COG2: variants seen among roughly 807,000 people sequenced by gnomAD.
COG2 encodes conserved oligomeric Golgi complex subunit 2.
Under a neutral mutation model 90.6 loss-of-function variants are expected in COG2, and 52 were observed. The observed-to-expected ratio is 0.57, with a 90% CI of 0.46 to 0.72. The LOEUF is 0.72. Ranked by LOEUF, COG2 falls within the 30% of genes least tolerant of loss-of-function variation. The pLI is 0.00. For missense variants in COG2, 829 were observed against 891.2 expected (o/e 0.93, Z 0.89); for synonymous variants, 337 against 320.4 (o/e 1.05, Z -0.55).
chr1:230,645,383 T>C (rs1271088800), intron 1 of COG2, among the ~76,000 whole-genome samples: 1 of 152,180 alleles, frequency 6.6e-6, no homozygotes, highest in Non-Finnish European at 1.5e-5. Context: ...CTAGGTATGC[T>C]GTGGCAATCA....
chr1:230,669,324 C>CT (rs759686159), intron 6 of COG2, 32 bp from the exon 7 acceptor site: 231 of 1,561,306 alleles, frequency 1.5e-4, no homozygotes, highest in East Asian at 9.8e-4. Flanking sequence ...ACAACTAGAG[C>CT]TTTTTTTTTA....
At chr1:230,643,353 C>G (rs1474269729) in intron 1 of COG2, among the ~76,000 whole-genome samples, 1 of 152,208 alleles carries the variant, frequency 6.6e-6, no homozygotes, top group Non-Finnish European at 1.5e-5. Flanking sequence ...TTGAAAATGG[C>G]CAGGCTTTGA....
chr1:230,660,994 C>T (rs533890247), intron 3 of COG2, 171 bp downstream of exon 3: 2 of 423,878 alleles, frequency 4.7e-6, no homozygotes, highest in Admixed American at 4.5e-5. Context: ...CTATTTTTTG[C>T]GTGTGATACT....
rs2102736226 is a variant in COG2 at position 230,642,610 on chromosome 1, G to A, written c.4G>A (p.Glu2Lys). 2 of 1,612,316 alleles carry A rather than the reference G, an allele frequency of 1.2e-6. No homozygotes were observed. Among genetic ancestry groups the A allele is most frequent in the East Asian group, 2.2e-5 (1 of 44,804 alleles). ...CTGAGAGGCGGTGGCCGGCGGGATG[G>A]AGAAAAGTAGGATGAACCTGCCCAA... M[E>K]KSRMNLPKGP... Residue 2 changes from glutamate (E) to lysine (K), a missense_variant, in exon 1 of 18, where the codon GAG (glutamate) becomes AAG (lysine). Physicochemically the swap from Glu to Lys is moderately conservative, Grantham distance 56 (BLOSUM62 1). Transcript: ENST00000366669.
chr1:230,657,918 G>GGTCAT (rs1275174124), intron 1 of COG2, among the ~76,000 whole-genome samples: 3 of 151,942 alleles, frequency 2.0e-5, no homozygotes, highest in Non-Finnish European at 4.4e-5. Flanking sequence ...AGCTCCGTCA[G>GGTCAT]GTCATTTATA....
At chr1:230,659,648 C>A in intron 2 of COG2, 23 bp downstream of exon 2, 1 of 1,601,246 alleles carries the variant, frequency 6.2e-7, no homozygotes, top group South Asian at 1.1e-5. Flanking sequence ...TCCACGGTCC[C>A]ATTTACATAC....
In COG2 at chr1:230,688,138, T is replaced by C. The variant is rs776208092; in HGVS notation, c.1646T>C (p.Ile549Thr). 1.4e-5 allele frequency: 22 copies of C among 1,584,556 alleles called. No individual in the cohort carries two copies. The African/African-American group carries it at 2.9e-4, about 21-fold the overall frequency. Residue 549 changes from isoleucine (I) to threonine (T), a missense_variant, in exon 14 of 18, where the codon ATC becomes ACC. Physicochemically the swap from Ile to Thr is moderately conservative, Grantham distance 89. Transcript: ENST00000366669. ...ATTGGCTTTAAGAATTTTTCTTCTA[T>C]CTCAGGTAAAAATGAATCTTGACTA... ...EMIGFKNFSS[I>T]SAALEDSQSS...
chr1:230,688,399 T>A, intron 14 of COG2, 21 bp from the exon 15 acceptor site: 5 of 1,613,024 alleles, frequency 3.1e-6, no homozygotes, highest in African/African-American at 1.3e-5. Context: ...GATGATTAAA[T>A]CCAGTCTTTA....
At chr1:230,645,835 A>G (rs1202905968) in intron 1 of COG2, among the ~76,000 whole-genome samples, 7 of 152,076 alleles carry the variant, frequency 4.6e-5, no homozygotes, top group Non-Finnish European at 7.4e-5. Context: ...GATCCCTCGC[A>G]TGTGCAGTTC....
chr1:230,646,207 G>A (rs1052900987), intron 1 of COG2, among the ~76,000 whole-genome samples: 1 of 152,066 alleles, frequency 6.6e-6, no homozygotes, highest in Non-Finnish European at 1.5e-5. Flanking sequence ...GCCAAATGTT[G>A]TCTTTACTTT....
At chr1:230,669,584 T>C in intron 7 of COG2, 49 bp downstream of exon 7, 1 of 1,531,884 alleles carries the variant, frequency 6.5e-7, no homozygotes, top group Non-Finnish European at 8.9e-7. Context: ...GTTCTGTCTT[T>C]GACTCTTTAC....
intron 3 of COG2, 59 bp downstream of exon 3, chr1:230,660,882 C>T (rs577753863): frequency 4.2e-6 from 5 of 1,199,470 alleles, no homozygotes; most frequent in Admixed American, 5.5e-5. Context: ...CTTGTTTGCC[C>T]TTCCAAAAAA....
intron 4 of COG2, 62 bp from the exon 5 acceptor site, chr1:230,664,422 A>C: frequency 1.4e-6 from 1 of 691,640 alleles, no homozygotes; most frequent in Non-Finnish European, 2.3e-6. Context: ...ACTTAGGATG[A>C]TGAAATAAGA....
At chr1:230,655,748 G>A (rs1452844345) in intron 1 of COG2, among the ~76,000 whole-genome samples, 2 of 152,152 alleles carry the variant, frequency 1.3e-5, no homozygotes, top group East Asian at 1.9e-4. Flanking sequence ...TTGGTTGGTA[G>A]GCTATTAATT....
intron 4 of COG2, among the ~76,000 whole-genome samples, 167 bp downstream of exon 4, chr1:230,663,388 G>A (rs1662238828): frequency 6.6e-6 from 1 of 151,984 alleles, no homozygotes; most frequent in Admixed American, 6.6e-5. Context: ...ATAAATAAAT[G>A]TATTTATTAG....
At chr1:230,647,733 CT>C (rs1462435714) in intron 1 of COG2, among the ~76,000 whole-genome samples, 1 of 152,190 alleles carries the variant, frequency 6.6e-6, no homozygotes, top group African/African-American at 2.4e-5. Flanking sequence ...ATATAACCTA[CT>C]TACATCCTCT....
intron 13 of COG2, 115 bp downstream of exon 13, chr1:230,687,247 T>C: frequency 2.4e-5 from 19 of 776,646 alleles, no homozygotes; most frequent in Non-Finnish European, 3.4e-5. Flanking sequence ...GGGGGACCCG[T>C]GGGTACCCCA....
chr1:230,679,268 TGGAGAGCTCAGAACACAAG>T, intron 10 of COG2: 1 of 439,026 alleles, frequency 2.3e-6, no homozygotes, highest in East Asian at 3.6e-5. Flanking sequence ...TTTTGGTAAT[TGGAGAGCTCAGAACACAAG>T]AGTTGGAAGG....
intron 12 of COG2, among the ~76,000 whole-genome samples, chr1:230,685,440 TCA>T (rs1427060905): frequency 2.6e-5 from 4 of 152,268 alleles, no homozygotes; most frequent in African/African-American, 9.6e-5. Context: ...GTGTCTATTA[TCA>T]CAAACTTATT....
Sources: gnomAD v4.1 joint callset for allele counts (sites outside exome capture counted in the v4.1 genomes callset) on GRCh38, gnomAD v4.1.1 for gene constraint, MANE v1.5 for transcripts, NCBI Gene and HGNC (gene_info 2026-07-23, HGNC 2026-07-21) for gene names.